The following PLXNA4 variants were observed in gnomAD, a reference collection of about 807,000 sequenced individuals.
PLXNA4 encodes the protein plexin-A4.
PLXNA4 carries 44 observed loss-of-function variants against 191.8 expected under a neutral mutation model. That is an observed-to-expected ratio of 0.23 (90% confidence interval 0.18 to 0.29). PLXNA4 has a LOEUF of 0.29. Ranked by LOEUF, PLXNA4 falls within the 10% of genes least tolerant of loss-of-function variation. PLXNA4 has a pLI of 1.00. For missense variants in PLXNA4, 1,800 were observed against 2,488.8 expected, an observed-to-expected ratio of 0.72 and a Z score of 5.89; for synonymous variants, 1,082 against 1,009.5, an observed-to-expected ratio of 1.07 and a Z score of -1.36.
chr7:132,158,240 A>C (rs189558074), intron 25 of PLXNA4, among the ~76,000 whole-genome samples: 20 of 152,358 alleles, frequency 1.3e-4, no homozygotes, highest in Non-Finnish European at 2.4e-4. Flanking sequence ...CTCTTTAGAC[A>C]TCAGAATTCA....
intron 4 of PLXNA4, among the ~76,000 whole-genome samples, chr7:132,275,951 T>C (rs2097447082): frequency 6.6e-6 from 1 of 152,226 alleles, no homozygotes; most frequent in Non-Finnish European, 1.5e-5. Context: ...TGAAGACATC[T>C]GGTGGCCAGC....
chr7:132,386,853 C>A (rs968953281), intron 3 of PLXNA4, among the ~76,000 whole-genome samples: 36 of 152,138 alleles, frequency 2.4e-4, no homozygotes, highest in African/African-American at 8.7e-4. Flanking sequence ...TTGGGGACTG[C>A]AAAGCACATC....
chr7:132,638,890 G>T (rs1803661507), intron 2 of PLXNA4, among the ~76,000 whole-genome samples: 1 of 152,170 alleles, frequency 6.6e-6, no homozygotes, highest in African/African-American at 2.4e-5. Flanking sequence ...CGTACAAAGA[G>T]CAATGACTCT....
At chr7:132,532,407 T>C in intron 1 of PLXNA4, among the ~76,000 whole-genome samples, 1 of 152,210 alleles carries the variant, frequency 6.6e-6, no homozygotes. Context: ...CAGGTACAAA[T>C]GCGTTGATGC....
intron 9 of PLXNA4, among the ~76,000 whole-genome samples, chr7:132,222,705 T>C (rs1798187813): frequency 6.6e-6 from 1 of 152,212 alleles, no homozygotes; most frequent in African/African-American, 2.4e-5. Context: ...TCCAGAGGTA[T>C]ACCTGTTATC....
At chr7:132,475,362 G>A (rs1057512435) in intron 3 of PLXNA4, among the ~76,000 whole-genome samples, 1 of 152,182 alleles carries the variant, frequency 6.6e-6, no homozygotes, top group Admixed American at 6.5e-5. Flanking sequence ...ATACTCACAT[G>A]TGTTCACAGT....
intron 10 of PLXNA4, among the ~76,000 whole-genome samples, chr7:132,210,203 C>T (rs998999437): frequency 6.6e-5 from 10 of 152,062 alleles, no homozygotes; most frequent in Non-Finnish European, 1.3e-4. Flanking sequence ...AAGAAGGGAG[C>T]CCAGAAAGAA....
rs139935050 is a variant in PLXNA4, at chr7:132,390,514, A to G, written c.1372-92292T>C. ...AAACCACCATGGCACATGTATACCT[A>G]TGTAACAAACCTGCACGTTCTGCAT... is the stretch of plus-strand genomic sequence containing the variant. On this transcript the variant is annotated intron_variant, in intron 3 of 31. Coordinates refer to ENST00000321063, the MANE Select transcript of PLXNA4 (RefSeq NM_020911.2). Among the ~76,000 whole-genome samples the G allele has an allele frequency of 5.6e-3, 855 of 152,256 alleles. 8 individuals carry two copies. Among genetic ancestry groups the G allele is most frequent in the Non-Finnish European group, 9.5e-3 (644 of 68,012 alleles).
intron 2 of PLXNA4, among the ~76,000 whole-genome samples, chr7:132,622,149 C>T (rs771073169): frequency 1.8e-4 from 28 of 152,170 alleles, no homozygotes; most frequent in Non-Finnish European, 3.1e-4. Context: ...AAAAACCTTC[C>T]GCACACAATC....
intron 3 of PLXNA4, among the ~76,000 whole-genome samples, chr7:132,326,265 C>T (rs1429019834): frequency 1.3e-5 from 2 of 152,202 alleles, no homozygotes; most frequent in African/African-American, 2.4e-5. Context: ...CTCCCTGGCT[C>T]CTCACCTTGC....
chr7:132,528,289 C>CT (rs1799488167), intron 1 of PLXNA4, among the ~76,000 whole-genome samples: 1 of 152,168 alleles, frequency 6.6e-6, no homozygotes, highest in Non-Finnish European at 1.5e-5. Context: ...GTGCGGACTA[C>CT]ATTGTTCTCA....
chr7:132,302,979 C>A (rs180928058), intron 3 of PLXNA4, among the ~76,000 whole-genome samples: 1 of 152,032 alleles, frequency 6.6e-6, no homozygotes, highest in South Asian at 2.1e-4. Context: ...TGGGTTCAAG[C>A]GATTCTCCTG....
intron 14 of PLXNA4, 65 bp downstream of exon 14, chr7:132,193,997 C>T: frequency 6.4e-7 from 1 of 1,561,168 alleles, no homozygotes; most frequent in Non-Finnish European, 8.7e-7. Flanking sequence ...CTAGAGGGGC[C>T]CAGCAATCAT....
chr7:132,209,302 G>T (rs923665750), intron 10 of PLXNA4, among the ~76,000 whole-genome samples: 1 of 152,188 alleles, frequency 6.6e-6, no homozygotes, highest in African/African-American at 2.4e-5. Flanking sequence ...AAGAAACAAG[G>T]CTGTTTTCCC....
intron 3 of PLXNA4, chr7:132,484,737 A>C (rs2117499152): frequency 1.3e-6 from 2 of 1,579,540 alleles, no homozygotes; most frequent in Middle Eastern, 4.5e-4. Context: ...ATTTCCTGAC[A>C]CTTCCATCCA....
At chr7:132,584,877 C>T (rs1487882863) in intron 2 of PLXNA4, among the ~76,000 whole-genome samples, 1 of 152,200 alleles carries the variant, frequency 6.6e-6, no homozygotes, top group Admixed American at 6.5e-5. Flanking sequence ...CTTTGTCACA[C>T]CGCCAGTCCT....
chr7:132,390,736 G>A (rs1304715947), intron 3 of PLXNA4, among the ~76,000 whole-genome samples: 1 of 151,842 alleles, frequency 6.6e-6, no homozygotes, highest in Non-Finnish European at 1.5e-5. Flanking sequence ...TCTCCTTCTT[G>A]TTTCCTGAGA....
rs1389251234 is a variant in PLXNA4 at position 132,164,209 on chromosome 7, G to A, written c.4433C>T (p.Thr1478Met). The change falls in exon 24 of 32, where the codon ACG becomes ATG. Residue 1478 changes from threonine (T) to methionine (M), a missense_variant. Thr to Met is a moderately conservative substitution (Grantham distance 81, BLOSUM62 -1). Transcript: ENST00000321063. ...QMEKGPIDAITGEARYSLSED... is the reference protein window; with the variant it reads ...QMEKGPIDAIMGEARYSLSED... ...GCTCAAGGAGTAGCGGGCCTCGCCC[G>A]TGATGGCGTCAATGGGGCCCTTCTC... The A allele has an allele frequency of 1.2e-5, 20 of 1,614,258 alleles. No individual in the cohort carries two copies. The highest frequency in any genetic ancestry group is 3.3e-5 in the Admixed American group (2 of 60,036).
At chr7:132,427,480 C>T (rs533575160) in intron 3 of PLXNA4, among the ~76,000 whole-genome samples, 5 of 152,318 alleles carry the variant, frequency 3.3e-5, no homozygotes, top group African/African-American at 7.2e-5. Context: ...GACAGGCCCC[C>T]ACCCACCCAG....
Sources: gnomAD v4.1 joint callset for allele counts (sites outside exome capture counted in the v4.1 genomes callset) on GRCh38, gnomAD v4.1.1 for gene constraint, MANE v1.5 for transcripts, NCBI Gene and HGNC (gene_info 2026-07-23, HGNC 2026-07-21) for gene names.